The following ZSCAN10 variants were observed in gnomAD, a reference collection of about 807,000 sequenced individuals.
ZSCAN10 encodes zinc finger and SCAN domain containing 10, also known as zinc finger and SCAN domain-containing protein 10.
ZSCAN10 carries 52 observed loss-of-function variants against 63.7 expected under a neutral mutation model. The observed-to-expected ratio is 0.82, with a 90% CI of 0.65 to 1.03. The LOEUF is 1.03. Ranked by LOEUF, ZSCAN10 falls within the 50% of genes least tolerant of loss-of-function variation. The pLI is 0.00. For missense variants in ZSCAN10, 1,223 were observed against 1,103.8 expected (o/e 1.11, Z -1.53); for synonymous variants, 544 against 479.6 (o/e 1.13, Z -1.76).
chr16:3,097,824 C>T (rs1567170207), intron 1 of ZSCAN10, among the ~76,000 whole-genome samples: 1 of 151,978 alleles, frequency 6.6e-6, no homozygotes, highest in South Asian at 2.1e-4. Flanking sequence ...CTGGCCATCT[C>T]GAAGGAAAGC....
Position 3,092,076 on chromosome 16 carries a change from T to G in ZSCAN10, c.637A>C (p.Lys213Gln). Residue 213 changes from lysine to glutamine, a missense_variant, in exon 3 of 6, where the codon AAG becomes CAG. Coordinates refer to ENST00000576985, the MANE Select transcript of ZSCAN10 (RefSeq NM_032805.3). ...SKQPLSPGPQ[K>Q]TFQALQESSP... is the part of the protein sequence containing the mutation. ...CTTTCTTGCAGGGCCTGGAATGTCT[T>G]CTGGGGCCCCGGGCTCAGCGGCTGC... The G allele has an allele frequency of 6.3e-7, 1 of 1,581,784 alleles. No homozygotes were observed. The highest frequency in any genetic ancestry group is 8.6e-7 in the Non-Finnish European group (1 of 1,163,068).
At chr16:3,098,896 C>T (rs2151220080) in intron 1 of ZSCAN10, among the ~76,000 whole-genome samples, 1 of 152,322 alleles carries the variant, frequency 6.6e-6, no homozygotes, top group South Asian at 2.1e-4. Flanking sequence ...GGCCTCCCTC[C>T]GCGTGCTGGG....
Position 3,092,670 on chromosome 16 carries a change from C to G in ZSCAN10, c.268G>C (p.Glu90Gln). The G allele has an allele frequency of 6.2e-7, 1 of 1,613,386 alleles. No homozygotes were observed. The highest frequency in any genetic ancestry group is 8.5e-7 in the Non-Finnish European group (1 of 1,179,894). Reference sequence around the variant, plus strand: ...GGAGGCAGCACACTCAGGAACTGCTCCAGCACCAGCAGCTCCAGGATCTGT... The same window carrying G: ...GGAGGCAGCACACTCAGGAACTGCTGCAGCACCAGCAGCTCCAGGATCTGT... ...KKQILELLVL[E>Q]QFLSVLPPHL... The change falls in exon 2 of 6, where the codon GAG (glutamate) becomes CAG (glutamine). Residue 90 changes from glutamate (E) to glutamine (Q), a missense_variant. Transcript: ENST00000576985.
chr16:3,090,239 T>C lies in ZSCAN10; in HGVS notation c.1195A>G (p.Thr399Ala). 6.2e-7 allele frequency: 1 copy of C among 1,607,918 alleles called. No homozygotes were observed. The highest frequency in any genetic ancestry group is 8.5e-7 in the Non-Finnish European group (1 of 1,179,646). Residue 399 changes from threonine (T) to alanine (A), a missense_variant, in exon 6 of 6, where the codon ACG becomes GCG. By Grantham distance (58) the Thr-to-Ala change is moderately conservative. Transcript: ENST00000576985. ...TGGCAGGCGTGCGGCCGCTCGTCCG[T>C]GTGAGTGCGCATGTGCAGCTTGAGA... is the stretch of plus-strand genomic sequence containing the variant. ...SILKLHMRTH[T>A]DERPHACHLC...
Position 3,089,076 on chromosome 16 carries a change from G to T in ZSCAN10, c.*15C>A. 6.8e-7 allele frequency: 1 copy of T among 1,473,518 alleles called. No homozygotes were observed. Among genetic ancestry groups the T allele is most frequent in the Non-Finnish European group, 8.9e-7 (1 of 1,123,820 alleles). 91.3% of individuals were successfully genotyped at this position (1,473,518 alleles called of 1,614,324 possible). The stretch of plus-strand genomic sequence containing the variant: ...GTAGGTGGCGCAGGGCGCGGCTGGC[G>T]GAAGGCGGGCCAAGCTAGTACAGCG... On this transcript the variant is annotated 3_prime_UTR_variant, in exon 6 of 6. Coordinates refer to ENST00000576985, the MANE Select transcript of ZSCAN10 (RefSeq NM_032805.3).
chr16:3,089,773 G>T lies in ZSCAN10; in HGVS notation c.1661C>A (p.Ala554Asp). Reference sequence around the variant, plus strand: ...GCTCTGCGTGAAGCTGCGGCCGCAAGCCTGGCAGGAGAAGGGCCGCTCGCC... The same window carrying T: ...GCTCTGCGTGAAGCTGCGGCCGCAATCCTGGCAGGAGAAGGGCCGCTCGCC... ...HTGERPFSCQACGRSFTQSSQ... is the reference protein window; with the variant it reads ...HTGERPFSCQDCGRSFTQSSQ... The change falls in exon 6 of 6, where the codon GCT (alanine) becomes GAT (aspartate). Residue 554 changes from alanine (A) to aspartate (D), a missense_variant. Transcript: ENST00000576985. 6.3e-7 allele frequency: 1 copy of T among 1,596,176 alleles called. No homozygotes were observed.
At chr16:3,098,215 G>C (rs1359907412) in intron 1 of ZSCAN10, among the ~76,000 whole-genome samples, 1 of 152,082 alleles carries the variant, frequency 6.6e-6, no homozygotes, top group Non-Finnish European at 1.5e-5. Context: ...CAGCGGGCAG[G>C]TACTGAGTGT....
chr16:3,096,862 G>C (rs1161214580), intron 1 of ZSCAN10, among the ~76,000 whole-genome samples: 2 of 151,524 alleles, frequency 1.3e-5, no homozygotes, highest in African/African-American at 2.4e-5. Context: ...CTGGGAGGCG[G>C]AGGTTGCAGT....
In ZSCAN10 at chr16:3,090,348, C is replaced by T. The variant is rs747544917; in HGVS notation, c.1086G>A (p.Leu362=). The change falls in exon 6 of 6, where the codon CTG becomes CTA. Residue 362 remains leucine, a synonymous_variant. Transcript: ENST00000576985. ...CGVSFPQLSR[L]KAHQLRSHPA... Reference sequence around the variant, plus strand: ...GGTGCGAGCGCAGCTGGTGCGCCTTCAGGCGAGACAGCTGCGGGAAGCTCA... The same window carrying T: ...GGTGCGAGCGCAGCTGGTGCGCCTTTAGGCGAGACAGCTGCGGGAAGCTCA... 2 of 1,611,486 alleles carry T rather than the reference C, an allele frequency of 1.2e-6. No homozygotes were observed. Among genetic ancestry groups the T allele is most frequent in the Admixed American group, 1.7e-5 (1 of 59,798 alleles).
chr16:3,089,008 G>C lies in ZSCAN10; in HGVS notation c.*83C>G. 3 of 1,399,680 alleles carry C rather than the reference G, an allele frequency of 2.1e-6. No homozygotes were observed. The highest frequency in any genetic ancestry group is 2.6e-4 in the Middle Eastern group (1 of 3,774). The allele number at this position is 1,399,680 out of a possible 1,614,324, so 86.7% of individuals were successfully genotyped here. A position where few individuals can be genotyped will look rare whatever the true frequency, so the allele number is the denominator to read the frequency against. Reference sequence around the variant, plus strand: ...GAAGGAGAGGGAAGTGGGGTGTGGTGGGAAGGGACATTCCTGCAGGCCTCC... The same window carrying C: ...GAAGGAGAGGGAAGTGGGGTGTGGTCGGAAGGGACATTCCTGCAGGCCTCC... On this transcript the variant is annotated 3_prime_UTR_variant, in exon 6 of 6. Coordinates refer to ENST00000576985, the MANE Select transcript of ZSCAN10 (RefSeq NM_032805.3).
chr16:3,089,319 C>A lies in ZSCAN10; in HGVS notation c.2115G>T (p.Leu705=). 6.3e-7 allele frequency: 1 copy of A among 1,578,688 alleles called. No homozygotes were observed. Among genetic ancestry groups the A allele is most frequent in the Non-Finnish European group, 8.6e-7 (1 of 1,168,686 alleles). Residue 705 remains leucine, a synonymous_variant, in exon 6 of 6, where the codon CTG becomes CTT. Transcript: ENST00000576985. ...CCGCATGGGTAGCCAGGTGCCGCCG[C>A]AGATGCGCGTTGCGCCGGAAGCTGC... ...CGRSFRRNAH[L]RRHLATHAEP...
intron 1 of ZSCAN10, among the ~76,000 whole-genome samples, chr16:3,095,741 T>C (rs933177737): frequency 3.4e-5 from 5 of 145,344 alleles, no homozygotes; most frequent in Admixed American, 1.4e-4. Context: ...GGCAGGAGAA[T>C]GGCGTGAAAC....
In ZSCAN10 at chr16:3,097,390, C is replaced by T. The variant is rs375843856; in HGVS notation, c.-68+1800G>A. Among the ~76,000 whole-genome samples the T allele has an allele frequency of 2.0e-5, 3 of 152,170 alleles. No homozygotes were observed. The East Asian group carries it at 5.8e-4, about 29-fold the overall frequency. On this transcript the variant is annotated intron_variant, in intron 1 of 5. Coordinates refer to ENST00000576985, the MANE Select transcript of ZSCAN10 (RefSeq NM_032805.3). ...CCCCTGCATCTCCCAACCTCAGCCA[C>T]CTGGGGAAGGACTCTGACAAAATGG...
At position 3,089,345 on chromosome 16, in the gene ZSCAN10, G is replaced by A. The variant is rs1957030131; in HGVS notation, c.2089C>T (p.Arg697Cys). 2.5e-6 allele frequency: 4 copies of A among 1,592,390 alleles called. No individual in the cohort carries two copies. Among genetic ancestry groups the A allele is most frequent in the African/African-American group, 1.3e-5 (1 of 74,246 alleles). Residue 697 changes from arginine to cysteine, a missense_variant, in exon 6 of 6, where the codon CGC becomes TGC. Transcript: ENST00000576985. ...AGATGCGCGTTGCGCCGGAAGCTGC[G>A]ACCGCACGTCTGACAGCTGTAGGGC... ...ERPYSCQTCG[R>C]SFRRNAHLRR...
rs934618918 is a variant in ZSCAN10 at position 3,089,790 on chromosome 16, C to A, written c.1644G>T (p.Arg548=). ...GGCCGCAAGCCTGGCAGGAGAAGGG[C>A]CGCTCGCCCGTGTGCACCCTCCGGT... is the stretch of plus-strand genomic sequence containing the variant. ...VAHRRVHTGE[R]PFSCQACGRS... The change falls in exon 6 of 6, where the codon CGG becomes CGT. Residue 548 remains arginine, a synonymous_variant. Transcript: ENST00000576985. 9 of 1,590,658 alleles carry A rather than the reference C, an allele frequency of 5.7e-6. No homozygotes were observed. Among genetic ancestry groups the A allele is most frequent in the Non-Finnish European group, 7.7e-6 (9 of 1,175,458 alleles).
At chr16:3,097,508 G>GGGACA (rs1957167370) in intron 1 of ZSCAN10, among the ~76,000 whole-genome samples, 1 of 152,172 alleles carries the variant, frequency 6.6e-6, no homozygotes, top group South Asian at 2.1e-4. Flanking sequence ...GAGGTGGATG[G>GGGACA]GGACAGGGTG....
chr16:3,094,636 C>T (rs571426760), intron 1 of ZSCAN10, among the ~76,000 whole-genome samples: 16 of 152,272 alleles, frequency 1.1e-4, no homozygotes, highest in Middle Eastern at 6.8e-3. Context: ...TGAACCACCC[C>T]GCCCGACCTA....
chr16:3,090,398 G>C lies in ZSCAN10; in HGVS notation c.1036C>G (p.Gln346Glu), dbSNP rs775389170. 1.9e-6 allele frequency: 3 copies of C among 1,613,684 alleles called. No homozygotes were observed. The highest frequency in any genetic ancestry group is 2.2e-5 in the South Asian group (2 of 91,084). Residue 346 changes from glutamine to glutamate, a missense_variant, in exon 6 of 6, where the codon CAG becomes GAG. Physicochemically the swap from Gln to Glu is conservative, Grantham distance 29. Coordinates refer to ENST00000576985, the MANE Select transcript of ZSCAN10 (RefSeq NM_032805.3). ...EGVPEPNPEL[Q>E]FICADCGVSF... ...ACCCCGCAGTCCGCGCAGATGAACT[G>C]CAACTCCGGATTGGGCTCGGGGACG...
Position 3,089,889 on chromosome 16 carries a change from C to G in ZSCAN10, c.1545G>C (p.Arg515=), listed in dbSNP as rs1281185301. The G allele has an allele frequency of 2.6e-6, 4 of 1,535,264 alleles. No homozygotes were observed. Among genetic ancestry groups the G allele is most frequent in the Non-Finnish European group, 3.5e-6 (4 of 1,145,520 alleles). Residue 515 remains arginine (R), a synonymous_variant, in exon 6 of 6, where the codon CGG becomes CGC. Transcript: ENST00000576985. The part of the protein sequence containing the change: ...RSSEGSGSRR[R]DSDRRPFVCS... ...ACACGAAGGGCCTCCGGTCGGAGTC[C>G]CGGCGGCGGCTGCCGGAGCCTTCGG... is the stretch of plus-strand genomic sequence containing the variant.
Sources: allele counts gnomAD v4.1 joint callset (sites outside exome capture counted in the v4.1 genomes callset), GRCh38; gene constraint gnomAD v4.1.1; transcripts MANE v1.5; gene names NCBI Gene and HGNC (gene_info 2026-07-23, HGNC 2026-07-21).